Variants in NR4A1 observed in about 807,000 individuals in gnomAD.
NR4A1 encodes the protein nuclear receptor subfamily 4immunitygroup A member 1.
NR4A1 carries 24 observed loss-of-function variants against 47.5 expected under a neutral mutation model. The observed-to-expected ratio is 0.50, with a 90% CI of 0.37 to 0.71. The LOEUF (loss-of-function observed/expected upper bound fraction) is 0.71, where lower values mean the gene tolerates loss of function less well. Ranked by LOEUF, NR4A1 falls within the 30% of genes least tolerant of loss-of-function variation. The probability of loss-of-function intolerance (pLI) is 0.00; values close to 1 mark genes in which losing one functional copy is unlikely to be tolerated. For missense variants in NR4A1, 669 were observed against 788.6 expected (o/e 0.85, Z 1.82); for synonymous variants, 353 against 345.7 (o/e 1.02, Z -0.24).
At position 52,037,574 on chromosome 12, in the gene NR4A1, G is replaced by A. The variant is rs535012240; in HGVS notation, c.-83-4236G>A. On this transcript the variant is annotated intron_variant, in intron 1 of 7. Transcript: ENST00000360284. ...CTTGGAAACTGGGGAGTCGGGGGGG[G>A]GACTGGATTCCCAGCGGAACCGCTG... The A allele has an allele frequency of 2.2e-4, 220 of 983,492 alleles. 3 individuals carry two copies. In the South Asian group the frequency reaches 8.6e-3, roughly 38 times the overall value. The allele number at this position is 983,492 out of a possible 1,614,324, so 60.9% of individuals were successfully genotyped here. A position where few individuals can be genotyped will look rare whatever the true frequency, so the allele number is the denominator to read the frequency against.
chr12:52,029,679 C>A (rs1488023017), intron 1 of NR4A1, among the ~76,000 whole-genome samples: 1 of 64,244 alleles, frequency 1.6e-5, no homozygotes, highest in East Asian at 3.8e-4. Context: ...CAGAATGAGA[C>A]CCTGTCTCAA....
chr12:52,032,472 T>C (rs554571966), intron 1 of NR4A1, among the ~76,000 whole-genome samples: 3 of 152,238 alleles, frequency 2.0e-5, no homozygotes, highest in Admixed American at 6.5e-5. Flanking sequence ...TAAATCTTTT[T>C]CTATATCTCT....
chr12:52,035,239 G>A (rs555642956), intron 1 of NR4A1, among the ~76,000 whole-genome samples: 2 of 152,280 alleles, frequency 1.3e-5, no homozygotes, highest in South Asian at 2.1e-4. Flanking sequence ...CACCCAAAGC[G>A]TGCGTGTTCT....
At chr12:52,032,325 A>G (rs1202476909) in intron 1 of NR4A1, among the ~76,000 whole-genome samples, 1 of 152,184 alleles carries the variant, frequency 6.6e-6, no homozygotes, top group East Asian at 1.9e-4. Flanking sequence ...GAGGTGGGAC[A>G]CCATATTTTC....
chr12:52,057,781 T>C (rs1939354057), intron 6 of NR4A1, among the ~76,000 whole-genome samples: 2 of 152,224 alleles, frequency 1.3e-5, no homozygotes, highest in South Asian at 4.1e-4. Context: ...GCAGGTGTCA[T>C]GTATGTGGCC....
upstream of NR4A1, among the ~76,000 whole-genome samples, chr12:52,051,198 C>G (rs1324464867): frequency 1.3e-5 from 2 of 152,218 alleles, no homozygotes; most frequent in African/African-American, 4.8e-5. Flanking sequence ...TCAAACAATC[C>G]GCGCTCCCTG....
In NR4A1 at chr12:52,054,917, G is replaced by C. The variant is rs774680118; in HGVS notation, c.589G>C (p.Gly197Arg). 2 of 1,614,110 alleles carry C rather than the reference G, an allele frequency of 1.2e-6. No individual in the cohort carries two copies. Among genetic ancestry groups the C allele is most frequent in the Admixed American group, 1.7e-5 (1 of 60,032 alleles). The change falls in exon 2 of 7, where the codon GGC (glycine) becomes CGC (arginine). Residue 197 changes from glycine to arginine, a missense_variant. Physicochemically the swap from Gly to Arg is moderately radical, Grantham distance 125. Transcript: ENST00000394825. ...PAFFSFSPPTGPSPSLAQSPL... is the reference protein window; with the variant it reads ...PAFFSFSPPTRPSPSLAQSPL... ...CTTCTTTTCCTTCAGTCCTCCCACCGGCCCCAGCCCCAGCCTGGCCCAGAG... is the reference window on the plus strand; with the variant it reads ...CTTCTTTTCCTTCAGTCCTCCCACCCGCCCCAGCCCCAGCCTGGCCCAGAG...
At chr12:52,047,195 A>G (rs1247544093), upstream of NR4A1, among the ~76,000 whole-genome samples, 1 of 151,900 alleles carries the variant, frequency 6.6e-6, no homozygotes, top group Admixed American at 6.6e-5. Flanking sequence ...TTAGCTGTTC[A>G]CTCTGACCTT....
chr12:52,026,427 A>G (rs576579739), intron 1 of NR4A1, among the ~76,000 whole-genome samples: 15 of 152,344 alleles, frequency 9.8e-5, no homozygotes, highest in African/African-American at 3.4e-4. Context: ...ATCTCCAAAC[A>G]TTGTCTAATT....
Position 52,054,842 on chromosome 12 carries a change from G to T in NR4A1, c.514G>T (p.Ala172Ser). ...SPSQTYEGLR[A>S]WTEQLPKASG... ...CAGCCAGACTTACGAAGGCCTGCGG[G>T]CATGGACAGAGCAGCTGCCCAAAGC... The change falls in exon 2 of 7, where the codon GCA becomes TCA. Residue 172 changes from alanine (A) to serine (S), a missense_variant. Ala to Ser is a moderately conservative substitution (Grantham distance 99, BLOSUM62 1). Coordinates refer to ENST00000394825, the MANE Select transcript of NR4A1 (RefSeq NM_173157.3). 1.2e-6 allele frequency: 2 copies of T among 1,613,840 alleles called. No individual in the cohort carries two copies. Among genetic ancestry groups the T allele is most frequent in the Non-Finnish European group, 1.7e-6 (2 of 1,180,006 alleles).
chr12:52,033,189 G>C (rs1592281835), intron 1 of NR4A1, among the ~76,000 whole-genome samples: 1 of 152,280 alleles, frequency 6.6e-6, no homozygotes. Context: ...GCCCAGCCCG[G>C]CCGCCCCCGG....
upstream of NR4A1, chr12:52,051,252 GC>G (rs562370297): frequency 3.0e-5 from 6 of 202,006 alleles, no homozygotes; most frequent in Non-Finnish European, 4.4e-5. Context: ...GACATTCCAG[GC>G]CCCCCCTCCT....
intron 1 of NR4A1, among the ~76,000 whole-genome samples, chr12:52,052,268 C>CGTGTGTGTGTGTGTGT (rs60552358): frequency 4.0e-4 from 52 of 129,994 alleles, no homozygotes; most frequent in African/African-American, 1.4e-3. Context: ...GCTTGGATCA[C>CGTGTGTGTGTGTGTGT]GTGTGTGTGT....
chr12:52,058,408 A>C, intron 6 of NR4A1: 1 of 480,952 alleles, frequency 2.1e-6, no homozygotes, highest in Non-Finnish European at 3.7e-6. Context: ...TGATCTAGCC[A>C]GAAAACGTAG....
At chr12:52,038,912 T>C (rs1189255298) in intron 1 of NR4A1, among the ~76,000 whole-genome samples, 1 of 152,222 alleles carries the variant, frequency 6.6e-6, no homozygotes, top group Non-Finnish European at 1.5e-5. Context: ...CCCTGCTCTC[T>C]GGATGGAGGC....
At chr12:52,048,251 G>C (rs1265361784), upstream of NR4A1, among the ~76,000 whole-genome samples, 1 of 151,978 alleles carries the variant, frequency 6.6e-6, no homozygotes, top group Non-Finnish European at 1.5e-5. Flanking sequence ...CTTGCTGGTT[G>C]GCAGGAAGAA....
chr12:52,031,474 T>C (rs1394301242), intron 1 of NR4A1, among the ~76,000 whole-genome samples: 1 of 151,576 alleles, frequency 6.6e-6, no homozygotes, highest in Non-Finnish European at 1.5e-5. Flanking sequence ...CCATCTCTAC[T>C]AAAAATACAA....
At chr12:52,023,918 C>T (rs1021999047) in intron 1 of NR4A1, among the ~76,000 whole-genome samples, 3 of 152,238 alleles carry the variant, frequency 2.0e-5, no homozygotes, top group Non-Finnish European at 2.9e-5. Context: ...GCCCCCGGCC[C>T]GGCTCCTGGA....
At chr12:52,045,692 T>C in intron 2 of NR4A1, 1 of 316,214 alleles carries the variant, frequency 3.2e-6, no homozygotes, top group Non-Finnish European at 6.6e-6. Context: ...CTCTGATAGC[T>C]CTTCCATATT....
Sources: allele counts gnomAD v4.1 joint callset (sites outside exome capture counted in the v4.1 genomes callset), GRCh38; gene constraint gnomAD v4.1.1; transcripts MANE v1.5; gene names NCBI Gene and HGNC (gene_info 2026-07-23, HGNC 2026-07-21).